Variants in SLC47A1 observed in about 807,000 individuals in gnomAD.
The protein encoded by SLC47A1 is multidrug and toxin extrusion protein 1.
In SLC47A1, 58 loss-of-function variants were observed where a neutral mutation model predicts 65.8. That is an observed-to-expected ratio of 0.88 (90% confidence interval 0.71 to 1.10). The LOEUF (loss-of-function observed/expected upper bound fraction) is 1.10. SLC47A1 is among the 50% of genes least tolerant of loss of function. The probability of loss-of-function intolerance (pLI) is 0.00; values close to 1 mark genes in which losing one functional copy is unlikely to be tolerated. For missense variants in SLC47A1, 706 were observed against 719.2 expected (o/e 0.98, Z 0.21); for synonymous variants, 285 against 295.0 (o/e 0.97, Z 0.35).
intron 15 of SLC47A1, 47 bp downstream of exon 15, chr17:19,571,619 ACAGGAT>A: frequency 2.1e-6 from 3 of 1,449,566 alleles, no homozygotes; most frequent in Non-Finnish European, 2.9e-6. Flanking sequence ...TCCTAGAAAA[ACAGGAT>A]CTGATCTGGC....
chr17:19,546,061 A>T (rs1343670434), intron 2 of SLC47A1, among the ~76,000 whole-genome samples: 4 of 152,130 alleles, frequency 2.6e-5, no homozygotes, highest in Non-Finnish European at 5.9e-5. Flanking sequence ...CTTTACTAAA[A>T]ATACAAAAAT....
intron 3 of SLC47A1, 42 bp downstream of exon 3, chr17:19,546,545 C>T (rs369781868): frequency 1.9e-5 from 30 of 1,592,870 alleles, no homozygotes; most frequent in Middle Eastern, 3.3e-4. Context: ...CCTCAAACAT[C>T]TTTTCTCAAG....
intron 16 of SLC47A1, among the ~76,000 whole-genome samples, chr17:19,576,125 A>G (rs2084437537): frequency 6.6e-6 from 1 of 151,428 alleles, no homozygotes; most frequent in Non-Finnish European, 1.5e-5. Flanking sequence ...AGGTTTGGCA[A>G]TTGTTCTTCT....
At chr17:19,562,373 T>C (rs2084318326) in intron 12 of SLC47A1, among the ~76,000 whole-genome samples, 2 of 152,012 alleles carry the variant, frequency 1.3e-5, no homozygotes, top group Admixed American at 6.6e-5. Context: ...GACCAGCTGG[T>C]CGACATGGGG....
chr17:19,577,313 C>A lies in SLC47A1; in HGVS notation c.1487-14C>A. On this transcript the variant is annotated splice_polypyrimidine_tract_variant and intron_variant, in intron 16 of 16. Transcript: ENST00000270570. ...AAATCCCTTTTAAGCTGCTAAGTTC[C>A]TTTTTCCTCCCAGGGTGCCCTGAAA... 1 of 1,612,492 alleles carries A rather than the reference C, an allele frequency of 6.2e-7. No individual in the cohort carries two copies. Among genetic ancestry groups the A allele is most frequent in the Non-Finnish European group, 8.5e-7 (1 of 1,179,430 alleles).
chr17:19,560,643 C>G, intron 12 of SLC47A1, 150 bp downstream of exon 12: 1 of 778,664 alleles, frequency 1.3e-6, no homozygotes. Context: ...ACCTGTAATC[C>G]CAGCACTTTG....
chr17:19,563,630 AAAAG>A (rs1255631238), intron 12 of SLC47A1, among the ~76,000 whole-genome samples: 3 of 152,190 alleles, frequency 2.0e-5, no homozygotes, highest in East Asian at 3.8e-4. Context: ...TTGCACATAA[AAAAG>A]AAAGAAAATC....
Position 19,572,849 on chromosome 17 carries a change from C to T in SLC47A1, c.1474C>T (p.Pro492Ser), listed in dbSNP as rs1482478914. 2.5e-6 allele frequency: 4 copies of T among 1,613,994 alleles called. No individual in the cohort carries two copies. Among genetic ancestry groups the T allele is most frequent in the Non-Finnish European group, 3.4e-6 (4 of 1,180,016 alleles). ...RSGNSALPQD[P>S]LHPGCPENLE... ...TGGGAATTCTGCTCTCCCTCAGGAT[C>T]CGCTTCACCCAGGTAAGATATGACT... Residue 492 changes from proline (P) to serine (S), a missense_variant, in exon 16 of 17, where the codon CCG becomes TCG. Physicochemically the swap from Pro to Ser is moderately conservative, Grantham distance 74 (BLOSUM62 -1). Transcript: ENST00000270570.
Position 19,556,068 on chromosome 17 carries a change from C to T in SLC47A1, c.921+6C>T. The T allele has an allele frequency of 6.2e-7, 1 of 1,613,608 alleles. No homozygotes were observed. The highest frequency in any genetic ancestry group is 2.2e-5 in the East Asian group (1 of 44,882). ...TGGCCATCATTGTGTACATGGTAAG[C>T]AGGGGAGCCGATCATGGGGAGGTGC... On this transcript the variant is annotated splice_donor_region_variant and intron_variant, in intron 10 of 16. Coordinates refer to ENST00000270570, the MANE Select transcript of SLC47A1 (RefSeq NM_018242.3).
At chr17:19,571,356 C>T (rs1005447597) in intron 14 of SLC47A1, 122 bp from the exon 15 acceptor site, 27 of 779,328 alleles carry the variant, frequency 3.5e-5, no homozygotes, top group African/African-American at 7.1e-5. Context: ...GCTGTGGGCT[C>T]CACCTCAGCC....
At chr17:19,539,111 ATG>A (rs748166971) in intron 1 of SLC47A1, among the ~76,000 whole-genome samples, 82 of 152,128 alleles carry the variant, frequency 5.4e-4, no homozygotes, top group Non-Finnish European at 8.2e-4. Context: ...TCTCTACAAA[ATG>A]TTGCCTGGGC....
At chr17:19,568,150 C>T (rs1567577488) in intron 14 of SLC47A1, 2 of 152,154 alleles carry the variant, frequency 1.3e-5, no homozygotes, top group African/African-American at 4.8e-5. Context: ...TTCATCTGTA[C>T]TTGGCAGGCT....
At chr17:19,560,101 C>A in intron 10 of SLC47A1, 87 bp from the exon 11 acceptor site, 1 of 923,556 alleles carries the variant, frequency 1.1e-6, no homozygotes, top group Non-Finnish European at 1.7e-6. Flanking sequence ...GTTTTCCCAC[C>A]AGGTGTGAGG....
intron 1 of SLC47A1, among the ~76,000 whole-genome samples, chr17:19,541,027 C>T (rs968780831): frequency 2.6e-5 from 4 of 152,064 alleles, no homozygotes; most frequent in Non-Finnish European, 5.9e-5. Context: ...GAGGTCCTGA[C>T]GTAGCAGTTT....
At chr17:19,538,063 G>A (rs1342815491) in intron 1 of SLC47A1, among the ~76,000 whole-genome samples, 1 of 152,210 alleles carries the variant, frequency 6.6e-6, no homozygotes, top group African/African-American at 2.4e-5. Flanking sequence ...GATGCTCCTT[G>A]GCTTACGATG....
At chr17:19,559,142 G>T (rs1191810829) in intron 10 of SLC47A1, among the ~76,000 whole-genome samples, 1 of 152,198 alleles carries the variant, frequency 6.6e-6, no homozygotes, top group Non-Finnish European at 1.5e-5. Context: ...AATGAGATAG[G>T]TTCTATGATT....
intron 14 of SLC47A1, among the ~76,000 whole-genome samples, chr17:19,569,303 C>T (rs1241592672): frequency 6.6e-6 from 1 of 151,478 alleles, no homozygotes; most frequent in African/African-American, 2.4e-5. Flanking sequence ...ACCCGGGAGG[C>T]GGAGGCTGCA....
chr17:19,566,717 G>A (rs1165576744), intron 12 of SLC47A1, 73 bp from the exon 13 acceptor site: 10 of 1,432,466 alleles, frequency 7.0e-6, no homozygotes, highest in East Asian at 4.6e-5. Context: ...GAGCCACTGC[G>A]CCTAGCCAGA....
In SLC47A1 at chr17:19,567,119, G is replaced by C. The variant is rs147590035; in HGVS notation, c.1200G>C (p.Arg400Ser). ...ALACTSGGVLRGSGNQKVGAI... is the reference protein window; with the variant it reads ...ALACTSGGVLSGSGNQKVGAI... The stretch of plus-strand genomic sequence containing the variant: ...AGTGCACGAGTGGTGGTGTTCTGAG[G>C]GGGAGTGGAAATCAGAAGGTTGGAG... The change falls in exon 14 of 17, where the codon AGG becomes AGC. Residue 400 changes from arginine (R) to serine (S), a missense_variant. Arg to Ser is a moderately radical substitution (Grantham distance 110, BLOSUM62 -1). Coordinates refer to ENST00000270570, the MANE Select transcript of SLC47A1 (RefSeq NM_018242.3). 2 of 1,614,182 alleles carry C rather than the reference G, an allele frequency of 1.2e-6. No homozygotes were observed. The highest frequency in any genetic ancestry group is 1.7e-6 in the Non-Finnish European group (2 of 1,180,026).
Sources: gnomAD v4.1 joint callset for allele counts (sites outside exome capture counted in the v4.1 genomes callset) on GRCh38, gnomAD v4.1.1 for gene constraint, MANE v1.5 for transcripts, NCBI Gene and HGNC (gene_info 2026-07-23, HGNC 2026-07-21) for gene names.